Variants in ZNF773 observed in about 807,000 individuals in gnomAD.
The protein encoded by ZNF773 is zinc finger protein 419B.
Under a neutral mutation model 12.8 loss-of-function variants are expected in ZNF773, and 11 were observed. The observed-to-expected ratio is 0.86, with a 90% confidence interval of 0.54 to 1.42. The LOEUF (loss-of-function observed/expected upper bound fraction) is 1.42, where lower values mean the gene tolerates loss of function less well. Among genes scored for constraint, ZNF773 ranks in the 40% most tolerant of loss-of-function variants. The pLI is 0.00. For synonymous variants in ZNF773, 175 were observed against 178.4 expected, an observed-to-expected ratio of 0.98 and a Z score of 0.15; for missense variants, 518 against 527.2, an observed-to-expected ratio of 0.98 and a Z score of 0.17.
At chr19:57,511,226 A>G (rs879917760), downstream of ZNF773, among the ~76,000 whole-genome samples, 2 of 151,264 alleles carry the variant, frequency 1.3e-5, no homozygotes, top group Admixed American at 1.3e-4. Context: ...ACTTTTTTGT[A>G]TTTTTTAGTA....
At chr19:57,516,164 G>T, downstream of ZNF773, 1 of 155,816 alleles carries the variant, frequency 6.4e-6, no homozygotes, top group South Asian at 1.8e-4. Context: ...TACGAGCCAT[G>T]AGCTAGTTGA....
At position 57,500,006 on chromosome 19, in the gene ZNF773, G is replaced by T; in HGVS notation, c.-75G>T. 6.6e-7 allele frequency: 1 copy of T among 1,523,910 alleles called. No homozygotes were observed. Among genetic ancestry groups the T allele is most frequent in the Non-Finnish European group, 8.8e-7 (1 of 1,132,812 alleles). 94.4% of individuals were successfully genotyped at this position (1,523,910 alleles called of 1,614,324 possible). On this transcript the variant is annotated 5_prime_UTR_variant, in exon 1 of 4. Transcript: ENST00000282292. ...CTGTGTTCTCGCAGCTCAGAGGCGG[G>T]TCTGAGGCTCGGTGGCGGCGCCCAG...
chr19:57,510,089 G>A (rs1255616511), downstream of ZNF773, among the ~76,000 whole-genome samples: 1 of 152,182 alleles, frequency 6.6e-6, no homozygotes, highest in Non-Finnish European at 1.5e-5. Flanking sequence ...TCTCTTCCAA[G>A]TATACTTCCC....
intron 3 of ZNF773, among the ~76,000 whole-genome samples, chr19:57,505,712 G>GTTTT (rs11312618): frequency 1.1e-4 from 12 of 110,868 alleles, no homozygotes; most frequent in African/African-American, 2.3e-4. Context: ...CATTCCAGTT[G>GTTTT]TTTTTTTTTT....
At position 57,507,252 on chromosome 19, in the gene ZNF773, C is replaced by CT. The variant is rs1294817045; in HGVS notation, c.1161dup (p.Lys388Ter). On this transcript the variant is annotated frameshift_variant, in exon 4 of 4. Transcript: ENST00000282292. LOFTEE classifies it low-confidence loss of function (END_TRUNC). ...CGAAAAGTTCACACTGGAGAAAAACCTTTTAAGTGCAATGAATGTGGGAGA... is the reference window on the plus strand; with the variant it reads ...CGAAAAGTTCACACTGGAGAAAAACCTTTTTAAGTGCAATGAATGTGGGAGA... 32 of 1,610,936 alleles carry CT rather than the reference C, an allele frequency of 2.0e-5. No individual in the cohort carries two copies. The highest frequency in any genetic ancestry group is 2.5e-5 in the Non-Finnish European group (30 of 1,177,966).
downstream of ZNF773, chr19:57,517,528 G>T (rs948367603): frequency 6.6e-6 from 1 of 152,142 alleles, no homozygotes; most frequent in African/African-American, 2.4e-5. Flanking sequence ...TGAAAAATTG[G>T]ATGTGCACAG....
At position 57,508,198 on chromosome 19, in the gene ZNF773, G is replaced by A; in HGVS notation, c.*774G>A. On this transcript the variant is annotated 3_prime_UTR_variant, in exon 4 of 4. Transcript: ENST00000282292. ...AAACTCTGAGGGTGATCTTTATGAG[G>A]GAGCTGGCAATTGAACATCATTCAT... 2 of 1,065,200 alleles carry A rather than the reference G, an allele frequency of 1.9e-6. No homozygotes were observed. The highest frequency in any genetic ancestry group is 2.3e-6 in the Non-Finnish European group (2 of 882,214). 66.0% of individuals were successfully genotyped at this position (1,065,200 alleles called of 1,614,324 possible).
Position 57,508,136 on chromosome 19 carries a change from G to A in ZNF773, c.*712G>A, listed in dbSNP as rs757749622. 29 of 831,700 alleles carry A rather than the reference G, an allele frequency of 3.5e-5. No homozygotes were observed. Among genetic ancestry groups the A allele is most frequent in the Admixed American group, 9.2e-5 (1 of 10,850 alleles). 51.5% of individuals were successfully genotyped at this position (831,700 alleles called of 1,614,324 possible). A position where few individuals can be genotyped will look rare whatever the true frequency, so the allele number is the denominator to read the frequency against. Reference sequence around the variant, plus strand: ...AGCTTGGGTGACAGAGTGAGACTTCGTCTCAAAAAAAAAAAAAAAAAACAA... The same window carrying A: ...AGCTTGGGTGACAGAGTGAGACTTCATCTCAAAAAAAAAAAAAAAAAACAA... On this transcript the variant is annotated 3_prime_UTR_variant, in exon 4 of 4. Transcript: ENST00000282292.
At chr19:57,512,477 C>T (rs2089803360), downstream of ZNF773, among the ~76,000 whole-genome samples, 1 of 145,180 alleles carries the variant, frequency 6.9e-6, no homozygotes, top group African/African-American at 2.6e-5. Flanking sequence ...GATCTTGGCT[C>T]ACCGCAACCT....
downstream of ZNF773, among the ~76,000 whole-genome samples, chr19:57,508,865 T>A (rs1947690741): frequency 6.6e-6 from 1 of 152,198 alleles, no homozygotes. Context: ...TTTTGCCTGT[T>A]TTTTTAAAAT....
chr19:57,508,930 C>T (rs531536880), downstream of ZNF773, among the ~76,000 whole-genome samples: 99 of 152,172 alleles, frequency 6.5e-4, no homozygotes, highest in Non-Finnish European at 1.0e-3. Context: ...TTGATATAAG[C>T]GTTGGCAGTA....
chr19:57,513,632 G>A (rs1166876768), downstream of ZNF773: 1 of 152,190 alleles, frequency 6.6e-6, no homozygotes, highest in African/African-American at 2.4e-5. Context: ...AACCTGTATG[G>A]GTGGATCAAT....
Position 57,508,159 on chromosome 19 carries a change from CA to C in ZNF773, c.*743del. On this transcript the variant is annotated 3_prime_UTR_variant, in exon 4 of 4. Transcript: ENST00000282292. ...TCGTCTCAAAAAAAAAAAAAAAAAA[CA>C]AAAAAAACCCAGAAACTCTGAGGGT... 4 of 475,410 alleles carry C rather than the reference CA, an allele frequency of 8.4e-6. No homozygotes were observed. The highest frequency in any genetic ancestry group is 9.4e-6 in the Non-Finnish European group (4 of 425,684). The allele number at this position is 475,410 out of a possible 1,614,324, so 29.4% of individuals were successfully genotyped here.
downstream of ZNF773, chr19:57,517,296 T>C (rs144832436): frequency 1.2e-4 from 18 of 152,310 alleles, no homozygotes; most frequent in East Asian, 3.1e-3. Context: ...CTAATAATTC[T>C]AGGTCACATT....
intron 1 of ZNF773, among the ~76,000 whole-genome samples, chr19:57,502,029 A>G (rs1164159359): frequency 6.6e-6 from 1 of 151,492 alleles, no homozygotes; most frequent in Non-Finnish European, 1.5e-5. Flanking sequence ...CGCAACCTCC[A>G]CCTCCCAGGT....
chr19:57,500,136 C>T (rs1455036615), intron 1 of ZNF773, 23 bp downstream of exon 1: 9 of 1,599,594 alleles, frequency 5.6e-6, no homozygotes, highest in Non-Finnish European at 7.7e-6. Context: ...TCCTCCCGGC[C>T]TCCCCCGAAT....
chr19:57,501,545 A>G (rs749374486), intron 1 of ZNF773, among the ~76,000 whole-genome samples: 17 of 152,224 alleles, frequency 1.1e-4, no homozygotes, highest in Non-Finnish European at 2.4e-4. Flanking sequence ...GCCATGTTGC[A>G]GATGGCAATA....
downstream of ZNF773, chr19:57,508,445 TAATA>T (rs1237589073): frequency 3.0e-6 from 2 of 662,876 alleles, no homozygotes; most frequent in Admixed American, 2.3e-5. Context: ...AGATCTTCTT[TAATA>T]AATATTTACT....
At chr19:57,510,498 C>T (rs1307522643), downstream of ZNF773, among the ~76,000 whole-genome samples, 1 of 152,096 alleles carries the variant, frequency 6.6e-6, no homozygotes, top group Non-Finnish European at 1.5e-5. Context: ...AATATGTCAA[C>T]ATTTATCACT....
Sources: allele counts gnomAD v4.1 joint callset (sites outside exome capture counted in the v4.1 genomes callset), GRCh38; gene constraint gnomAD v4.1.1; transcripts MANE v1.5; gene names NCBI Gene and HGNC (gene_info 2026-07-23, HGNC 2026-07-21).